Variants in DENND4A observed in about 807,000 individuals in gnomAD.
DENND4A encodes the protein DENN domain containing 4A.
DENND4A carries 70 observed loss-of-function variants against 199.3 expected under a neutral mutation model. The ratio of observed to expected loss-of-function variants is 0.35; its 90% CI spans 0.29 to 0.43. DENND4A has a LOEUF of 0.43. Ranked by LOEUF, DENND4A falls within the 20% of genes least tolerant of loss-of-function variation. The probability of loss-of-function intolerance (pLI) is 1.00; values close to 1 mark genes in which losing one functional copy is unlikely to be tolerated. For synonymous variants in DENND4A, 686 were observed against 766.9 expected (o/e 0.89, Z 1.74); for missense variants, 1,723 against 2,255.8 (o/e 0.76, Z 4.78).
At chr15:65,791,712 C>T (rs1354101168) in intron 1 of DENND4A, among the ~76,000 whole-genome samples, 1 of 152,082 alleles carries the variant, frequency 6.6e-6, no homozygotes, top group African/African-American at 2.4e-5. Flanking sequence ...GCCCCCACTC[C>T]CAAATAACAA....
intron 23 of DENND4A, among the ~76,000 whole-genome samples, 179 bp from the exon 24 acceptor site, chr15:65,676,813 T>C (rs996115897): frequency 4.6e-5 from 7 of 152,166 alleles, no homozygotes; most frequent in African/African-American, 1.7e-4. Context: ...TTTGGACAAA[T>C]GTGCTGCAGT....
At chr15:65,771,415 A>T in intron 1 of DENND4A, 3 of 1,586,772 alleles carry the variant, frequency 1.9e-6, no homozygotes, top group East Asian at 2.2e-5. Context: ...CCTTGCTGAC[A>T]TAATAAACAC....
At chr15:65,711,299 C>T (rs1187267162) in intron 14 of DENND4A, among the ~76,000 whole-genome samples, 1 of 152,100 alleles carries the variant, frequency 6.6e-6, no homozygotes, top group Non-Finnish European at 1.5e-5. Flanking sequence ...TCCAGGAGTT[C>T]AAGACCAACC....
intron 11 of DENND4A, among the ~76,000 whole-genome samples, chr15:65,724,701 G>A (rs2075752484): frequency 6.6e-6 from 1 of 152,204 alleles, no homozygotes; most frequent in Non-Finnish European, 1.5e-5. Context: ...ATAGGGCAAA[G>A]TCAAACTGCA....
In DENND4A at chr15:65,717,821, T is replaced by G; in HGVS notation, c.1764A>C (p.Pro588=). 1.2e-6 allele frequency: 2 copies of G among 1,606,654 alleles called. No homozygotes were observed. The highest frequency in any genetic ancestry group is 1.7e-6 in the Non-Finnish European group (2 of 1,176,210). Residue 588 remains proline (P), a synonymous_variant, in exon 13 of 33, where the codon CCA becomes CCC. Transcript: ENST00000443035. ...AGGCTGCATCTGTGGCTGTCTCAGA[T>G]GGGGCTTGTGTTATTGGCCTTAAGT... ...RSYLRPITQA[P]SETATDAASL... is the part of the protein sequence containing the mutation.
chr15:65,739,012 G>A (rs891939732), intron 5 of DENND4A, 137 bp from the exon 6 acceptor site: 10 of 586,126 alleles, frequency 1.7e-5, no homozygotes, highest in Non-Finnish European at 2.5e-5. Flanking sequence ...AAATAACACT[G>A]AATACTTTGG....
Position 65,728,111 on chromosome 15 carries a change from C to T in DENND4A, c.1487+961G>A, listed in dbSNP as rs527831354. On this transcript the variant is annotated intron_variant, in intron 11 of 32. Coordinates refer to ENST00000443035, the MANE Select transcript of DENND4A (RefSeq NM_001320835.1). ...GCAGCCTCCGCCTCCCGGGTTCAAG[C>T]GATTCTCCTGCCTCAGTCTCTGGAG... Among the ~76,000 whole-genome samples the T allele has an allele frequency of 3.4e-4, 52 of 152,006 alleles. 1 individual carries two copies. In the East Asian group the frequency reaches 5.6e-3, roughly 16 times the overall value.
At chr15:65,768,812 G>A (rs1225522815) in intron 1 of DENND4A, among the ~76,000 whole-genome samples, 5 of 151,662 alleles carry the variant, frequency 3.3e-5, no homozygotes, top group Non-Finnish European at 7.4e-5. Context: ...GTGAAACCCC[G>A]TCTCTACTAA....
At chr15:65,672,869 A>ATTT (rs71447853) in intron 24 of DENND4A, among the ~76,000 whole-genome samples, 1 of 146,274 alleles carries the variant, frequency 6.8e-6, no homozygotes, top group African/African-American at 2.5e-5. Context: ...GAGTACTGGT[A>ATTT]TTTTTTTTTT....
At chr15:65,772,501 G>GT (rs1474423067) in intron 1 of DENND4A, among the ~76,000 whole-genome samples, 3 of 152,094 alleles carry the variant, frequency 2.0e-5, no homozygotes, top group African/African-American at 7.2e-5. Context: ...GACGTCAGGA[G>GT]TTTGAGACCA....
Position 65,741,717 on chromosome 15 carries a change from G to C in DENND4A, c.629C>G (p.Ala210Gly). 1.2e-6 allele frequency: 2 copies of C among 1,611,560 alleles called. No homozygotes were observed. Among genetic ancestry groups the C allele is most frequent in the Non-Finnish European group, 1.7e-6 (2 of 1,178,434 alleles). ...VAKTNTVSYK[A>G]GLICRYPQED... is the part of the protein sequence containing the mutation. ...ATTGCATGAAAAATTACACTTACCA[G>C]CTTTGTAAGATACAGTGTTCGTCTT... The change falls in exon 5 of 33, where the codon GCT (alanine) becomes GGT (glycine). Residue 210 changes from alanine (A) to glycine (G), a missense_variant and splice_region_variant. By Grantham distance (60) the Ala-to-Gly change is moderately conservative (BLOSUM62 0). This residue lies in a region of DENND4A where 725 missense variants were observed against 952.9 expected (regional missense o/e 0.76). Coordinates refer to ENST00000443035, the MANE Select transcript of DENND4A (RefSeq NM_001320835.1).
intron 14 of DENND4A, among the ~76,000 whole-genome samples, chr15:65,712,706 T>C (rs945807002): frequency 1.3e-5 from 2 of 149,402 alleles, no homozygotes; most frequent in African/African-American, 4.9e-5. Context: ...AAGGGATGAG[T>C]TGTATTTTGG....
At chr15:65,741,604 T>C (rs781598279) in intron 5 of DENND4A, 111 bp downstream of exon 5, 11 of 697,772 alleles carry the variant, frequency 1.6e-5, no homozygotes, top group Admixed American at 8.3e-5. Flanking sequence ...AGATACGGAT[T>C]GTAGTCCCAG....
At chr15:65,751,000 C>A (rs2076547920) in intron 4 of DENND4A, among the ~76,000 whole-genome samples, 2 of 151,992 alleles carry the variant, frequency 1.3e-5, no homozygotes, top group African/African-American at 4.8e-5. Flanking sequence ...TATATCTAAA[C>A]TAAGAATAGT....
At chr15:65,777,544 G>T (rs913081336) in intron 1 of DENND4A, among the ~76,000 whole-genome samples, 12 of 151,878 alleles carry the variant, frequency 7.9e-5, no homozygotes, top group Non-Finnish European at 1.8e-4. Flanking sequence ...GTACAGATGG[G>T]GTTTCGTCAT....
At chr15:65,787,318 G>C (rs1247765580) in intron 1 of DENND4A, among the ~76,000 whole-genome samples, 1 of 152,124 alleles carries the variant, frequency 6.6e-6, no homozygotes, top group Non-Finnish European at 1.5e-5. Context: ...GATCAAGAGA[G>C]ACAGGTTTTA....
At chr15:65,719,917 G>T (rs921072315) in intron 12 of DENND4A, among the ~76,000 whole-genome samples, 1 of 151,950 alleles carries the variant, frequency 6.6e-6, no homozygotes, top group East Asian at 1.9e-4. Context: ...AAATAGATGG[G>T]TGGCCTGTAT....
At position 65,757,916 on chromosome 15, in the gene DENND4A, G is replaced by C. The variant is rs188131058; in HGVS notation, c.-22-1444C>G. On this transcript the variant is annotated intron_variant, in intron 2 of 32. Transcript: ENST00000443035. ...GAATCGCTTGAACCCAGGAGGAAGA[G>C]GTTGTGGTGAGCTGAGATCGCACCA... Among the ~76,000 whole-genome samples, 65 of 152,242 alleles carry C rather than the reference G, an allele frequency of 4.3e-4. No individual in the cohort carries two copies. The East Asian group carries it at 0.012, about 28-fold the overall frequency.
chr15:65,740,394 G>A (rs2076227201), intron 5 of DENND4A, among the ~76,000 whole-genome samples: 1 of 150,820 alleles, frequency 6.6e-6, no homozygotes, highest in Non-Finnish European at 1.5e-5. Flanking sequence ...AGGATCACTT[G>A]AGCGAAGGAG....
Sources: gnomAD v4.1 joint callset for allele counts (sites outside exome capture counted in the v4.1 genomes callset) on GRCh38, gnomAD v4.1.1 for gene constraint, gnomAD v4.1.1 regional missense constraint, MANE v1.5 for transcripts, NCBI Gene and HGNC (gene_info 2026-07-23, HGNC 2026-07-21) for gene names.